Variants in MAP2K1 observed in about 807,000 individuals in gnomAD.
MAP2K1 encodes dual specificity mitogen-activated protein kinase kinase 1.
Under a neutral mutation model 46.3 loss-of-function variants are expected in MAP2K1, and 16 were observed. The ratio of observed to expected loss-of-function variants is 0.35; its 90% CI spans 0.23 to 0.52. The LOEUF (loss-of-function observed/expected upper bound fraction) is 0.52. Among genes scored for constraint, MAP2K1 ranks in the 20% least tolerant of loss-of-function variants. The pLI is 0.94. For synonymous variants in MAP2K1, 183 were observed against 185.6 expected, an observed-to-expected ratio of 0.99 and a Z score of 0.11; for missense variants, 263 against 497.1, an observed-to-expected ratio of 0.53 and a Z score of 4.48.
intron 5 of MAP2K1, among the ~76,000 whole-genome samples, chr15:66,456,910 A>G (rs1383938424): frequency 6.6e-6 from 1 of 152,218 alleles, no homozygotes; most frequent in Non-Finnish European, 1.5e-5. Context: ...GCAAATTTTT[A>G]AAAAGTTTTC....
At chr15:66,416,359 AACAC>A (rs1384075188) in intron 1 of MAP2K1, among the ~76,000 whole-genome samples, 8 of 147,124 alleles carry the variant, frequency 5.4e-5, no homozygotes, top group Admixed American at 2.0e-4. Context: ...ATCCCCCCCA[AACAC>A]ACACACCCAC....
In MAP2K1 at chr15:66,387,062, A is replaced by C; in HGVS notation, c.-286A>C. On this transcript the variant is annotated 5_prime_UTR_variant, in exon 1 of 11. Coordinates refer to ENST00000307102, the MANE Select transcript of MAP2K1 (RefSeq NM_002755.4). The stretch of plus-strand genomic sequence containing the variant: ...TGGTTGAGAGAGAGAGAGGAAGGGA[A>C]TCCCGGGCTGCCGAACCGCACGTTC... 5.4e-6 allele frequency: 2 copies of C among 372,082 alleles called. No individual in the cohort carries two copies. Among genetic ancestry groups the C allele is most frequent in the Admixed American group, 4.8e-5 (1 of 20,714 alleles). 23.0% of individuals were successfully genotyped at this position (372,082 alleles called of 1,614,324 possible). A position where few individuals can be genotyped will look rare whatever the true frequency, so the allele number is the denominator to read the frequency against.
chr15:66,421,158 CAG>C (rs1362898977), intron 1 of MAP2K1, among the ~76,000 whole-genome samples: 4 of 149,794 alleles, frequency 2.7e-5, no homozygotes, highest in East Asian at 2.0e-4. Flanking sequence ...TTTTCTGAAA[CAG>C]GGTCTCACTT....
At chr15:66,423,442 C>CTT (rs35710848) in intron 1 of MAP2K1, among the ~76,000 whole-genome samples, 12 of 139,244 alleles carry the variant, frequency 8.6e-5, no homozygotes, top group African/African-American at 2.6e-4. Flanking sequence ...TTTTTCTTTC[C>CTT]TTTTTTTTTT....
intron 5 of MAP2K1, among the ~76,000 whole-genome samples, chr15:66,456,814 T>G (rs1892177164): frequency 6.6e-6 from 1 of 152,122 alleles, no homozygotes; most frequent in African/African-American, 2.4e-5. Context: ...GCAGAAACAG[T>G]TGATGCTGGG....
chr15:66,418,720 T>C (rs1396771531), intron 1 of MAP2K1, among the ~76,000 whole-genome samples: 1 of 151,890 alleles, frequency 6.6e-6, no homozygotes, highest in East Asian at 1.9e-4. Context: ...TGGAGTGCAG[T>C]GGCGGGATCT....
intron 5 of MAP2K1, chr15:66,453,462 C>T (rs965242096): frequency 2.8e-6 from 2 of 702,040 alleles, no homozygotes; most frequent in African/African-American, 3.5e-5. Flanking sequence ...AAGTCTTCTC[C>T]AGAAGCCCTG....
intron 10 of MAP2K1, 97 bp from the exon 11 acceptor site, chr15:66,490,405 C>A: frequency 1.1e-6 from 1 of 912,446 alleles, no homozygotes; most frequent in Non-Finnish European, 1.8e-6. Context: ...AAGTGCAGCA[C>A]AAGCTCTAGA....
intron 1 of MAP2K1, among the ~76,000 whole-genome samples, chr15:66,423,377 T>C (rs2093448367): frequency 6.6e-6 from 1 of 152,060 alleles, no homozygotes; most frequent in Non-Finnish European, 1.5e-5. Context: ...ATAGCTTATC[T>C]CTTGATAAGG....
At chr15:66,468,903 TG>T (rs199837778) in intron 5 of MAP2K1, among the ~76,000 whole-genome samples, 10,223 of 110,618 alleles carry the variant, frequency 0.092, 1,161 homozygotes, top group African/African-American at 0.27. Flanking sequence ...TGCAGTGAGC[TG>T]AGTCTGTGCC....
At chr15:66,488,062 C>G (rs1032773165) in intron 8 of MAP2K1, among the ~76,000 whole-genome samples, 2 of 151,812 alleles carry the variant, frequency 1.3e-5, no homozygotes, top group African/African-American at 4.8e-5. Flanking sequence ...TTCTTCCTTG[C>G]CACCTCCCAC....
rs1228037386 is a variant in MAP2K1, at chr15:66,387,423, G to A, written c.76G>A (p.Ala26Thr). 4 of 1,556,946 alleles carry A rather than the reference G, an allele frequency of 2.6e-6. No individual in the cohort carries two copies. Among genetic ancestry groups the A allele is most frequent in the Non-Finnish European group, 3.5e-6 (4 of 1,149,668 alleles). The change falls in exon 1 of 11, where the codon GCG becomes ACG. Residue 26 changes from alanine (A) to threonine (T), a missense_variant. Transcript: ENST00000307102. ...DGSAVNGTSS[A>T]ETNLEALQKK... ...CTCTGCAGTTAACGGGACCAGCTCT[G>A]CGGAGTAAGTATGGGGCGGGCGGTG...
At chr15:66,421,295 C>G (rs9672789) in intron 1 of MAP2K1, among the ~76,000 whole-genome samples, 6 of 151,808 alleles carry the variant, frequency 4.0e-5, no homozygotes, top group Non-Finnish European at 8.8e-5. Context: ...GCCACTACAC[C>G]TGGTGCATTT....
chr15:66,396,278 C>T (rs368946522), intron 1 of MAP2K1, among the ~76,000 whole-genome samples: 8 of 150,304 alleles, frequency 5.3e-5, no homozygotes, highest in Admixed American at 1.3e-4. Context: ...TCACCGTGCC[C>T]GGCCCTTTTG....
intron 5 of MAP2K1, among the ~76,000 whole-genome samples, chr15:66,445,598 GAAAC>G (rs1397292961): frequency 6.6e-5 from 10 of 152,254 alleles, no homozygotes; most frequent in Middle Eastern, 3.4e-3. Flanking sequence ...GGCAAAGAGA[GAAAC>G]AAATTGTAGT....
In MAP2K1 at chr15:66,435,069, G is replaced by C. The variant is rs2093484069; in HGVS notation, c.123G>C (p.Glu41Asp). The change falls in exon 2 of 11, where the codon GAG becomes GAC. Residue 41 changes from glutamate to aspartate, a missense_variant. Physicochemically the swap from Glu to Asp is conservative, Grantham distance 45 (BLOSUM62 2). Around this residue, in one of 4 missense-constraint regions of MAP2K1, gnomAD observed 103 missense variants for 221.6 expected, o/e 0.46. Transcript: ENST00000307102. ...EALQKKLEEL[E>D]LDEQQRKRLE... Reference sequence around the variant, plus strand: ...TGCAGAAGAAGCTGGAGGAGCTAGAGCTTGATGAGCAGCAGCGAAAGCGCC... The same window carrying C: ...TGCAGAAGAAGCTGGAGGAGCTAGACCTTGATGAGCAGCAGCGAAAGCGCC... 1 of 1,614,178 alleles carries C rather than the reference G, an allele frequency of 6.2e-7. No individual in the cohort carries two copies. The highest frequency in any genetic ancestry group is 8.5e-7 in the Non-Finnish European group (1 of 1,180,018).
rs538606787 is a variant in MAP2K1 at position 66,429,544 on chromosome 15, A to G, written c.81-5483A>G. Among the ~76,000 whole-genome samples, 11 of 152,094 alleles carry G rather than the reference A, an allele frequency of 7.2e-5. 2 individuals carry two copies. The highest frequency in any genetic ancestry group is 2.4e-4 in the African/African-American group (10 of 41,466). ...ACACATTCCTAGAATTTGATTTCCT[A>G]TAGGTAGTTGAACAGCCTCTCCTAG... On this transcript the variant is annotated intron_variant, in intron 1 of 10. Transcript: ENST00000307102.
chr15:66,399,533 C>T (rs969542811), intron 1 of MAP2K1, among the ~76,000 whole-genome samples: 6 of 151,040 alleles, frequency 4.0e-5, no homozygotes, highest in African/African-American at 1.5e-4. Flanking sequence ...CTCACTGCAG[C>T]CTCACCGTCT....
rs1323189486 is a variant in MAP2K1 at position 66,491,248 on chromosome 15, G to A, written c.*633G>A. On this transcript the variant is annotated 3_prime_UTR_variant, in exon 11 of 11. Transcript: ENST00000307102. ...TACTGTGGTGATCTGTAGACTTCTG[G>A]TTGTATTTCTATATTTATTTTCAGT... The A allele has an allele frequency of 4.2e-6, 1 of 238,002 alleles. No homozygotes were observed. Among genetic ancestry groups the A allele is most frequent in the African/African-American group, 2.2e-5 (1 of 45,302 alleles). 14.7% of individuals were successfully genotyped at this position (238,002 alleles called of 1,614,324 possible).
Sources: allele counts gnomAD v4.1 joint callset (sites outside exome capture counted in the v4.1 genomes callset), GRCh38; gene constraint gnomAD v4.1.1; regional missense constraint gnomAD v4.1.1; transcripts MANE v1.5; gene names NCBI Gene and HGNC (gene_info 2026-07-23, HGNC 2026-07-21).